Variants in VRK2 observed in about 807,000 individuals in gnomAD.
VRK2 encodes VRK serine/threonine kinase 2.
VRK2 carries 60 observed loss-of-function variants against 57.6 expected under a neutral mutation model. The observed-to-expected ratio is 1.04, with a 90% CI of 0.85 to 1.29. The LOEUF (loss-of-function observed/expected upper bound fraction) is 1.29. Among genes scored for constraint, VRK2 ranks in the 50% most tolerant of loss-of-function variants. The pLI is 0.00. For missense variants in VRK2, 705 were observed against 588.1 expected, an observed-to-expected ratio of 1.20 and a Z score of -2.06; for synonymous variants, 231 against 199.2, an observed-to-expected ratio of 1.16 and a Z score of -1.35.
chr2:58,067,697 A>G (rs1668793586), intron 2 of VRK2, among the ~76,000 whole-genome samples: 1 of 152,004 alleles, frequency 6.6e-6, no homozygotes, highest in Non-Finnish European at 1.5e-5. Flanking sequence ...TGTCTTGTGT[A>G]TTATATCTCC....
At chr2:58,118,288 G>C (rs1676844192) in intron 7 of VRK2, among the ~76,000 whole-genome samples, 1 of 152,252 alleles carries the variant, frequency 6.6e-6, no homozygotes, top group Non-Finnish European at 1.5e-5. Context: ...TGCGTGGTCT[G>C]ACACCTTTGA....
At chr2:57,943,830 G>A (rs935725118) in intron 1 of VRK2, among the ~76,000 whole-genome samples, 1 of 152,194 alleles carries the variant, frequency 6.6e-6, no homozygotes, top group African/African-American at 2.4e-5. Context: ...TGAAACAGAG[G>A]TCAGCAAAGT....
intron 7 of VRK2, among the ~76,000 whole-genome samples, chr2:58,111,444 G>A (rs1419591856): frequency 6.6e-6 from 1 of 152,094 alleles, no homozygotes; most frequent in Admixed American, 6.5e-5. Context: ...GTGCATAAAA[G>A]GACAATCATT....
chr2:57,979,618 C>A (rs1446415056), intron 1 of VRK2, among the ~76,000 whole-genome samples: 1 of 145,010 alleles, frequency 6.9e-6, no homozygotes, highest in East Asian at 1.9e-4. Flanking sequence ...AGCACTAGCA[C>A]CCTCTCTTCT....
At chr2:57,922,156 A>G (rs1670370680) in intron 1 of VRK2, among the ~76,000 whole-genome samples, 1 of 152,054 alleles carries the variant, frequency 6.6e-6, no homozygotes. Context: ...GGATCCTAAC[A>G]AAGTCCTGAC....
intron 2 of VRK2, among the ~76,000 whole-genome samples, chr2:58,072,661 T>C (rs1228920856): frequency 6.6e-6 from 1 of 152,058 alleles, no homozygotes; most frequent in African/African-American, 2.4e-5. Context: ...TTTGATTTGC[T>C]AATGTTTTGT....
chr2:58,130,745 G>A (rs1679074094), intron 8 of VRK2, among the ~76,000 whole-genome samples: 1 of 152,080 alleles, frequency 6.6e-6, no homozygotes, highest in Non-Finnish European at 1.5e-5. Flanking sequence ...ACTGCTCTTA[G>A]GAGATTATAT....
intron 2 of VRK2, among the ~76,000 whole-genome samples, chr2:58,050,039 A>G (rs1055829257): frequency 2.0e-5 from 3 of 152,206 alleles, no homozygotes; most frequent in African/African-American, 7.2e-5. Context: ...AAATTGCTTG[A>G]AAAAATACTA....
chr2:58,043,198 CTT>C (rs1674531937), upstream of VRK2, among the ~76,000 whole-genome samples: 2 of 152,226 alleles, frequency 1.3e-5, no homozygotes, highest in East Asian at 1.9e-4. Context: ...CATAAGAACA[CTT>C]AACACTTCAT....
chr2:58,093,019 T>G (rs1446066362), intron 7 of VRK2, among the ~76,000 whole-genome samples: 2 of 151,936 alleles, frequency 1.3e-5, no homozygotes, highest in Non-Finnish European at 2.9e-5. Flanking sequence ...CTGCATAGTA[T>G]TCCATGGTAT....
intron 1 of VRK2, among the ~76,000 whole-genome samples, chr2:58,011,756 A>G (rs1366865007): frequency 6.6e-6 from 1 of 152,252 alleles, no homozygotes; most frequent in Admixed American, 6.5e-5. Context: ...AAATGAAATT[A>G]TAATGGTTGA....
At chr2:58,159,069 C>CTATT (rs991170147) in intron 12 of VRK2, among the ~76,000 whole-genome samples, 26 of 152,176 alleles carry the variant, frequency 1.7e-4, no homozygotes, top group African/African-American at 5.8e-4. Context: ...ATATTCTATC[C>CTATT]TATTTATTTT....
chr2:58,149,357 A>G (rs1023360474), intron 12 of VRK2, among the ~76,000 whole-genome samples: 1 of 151,820 alleles, frequency 6.6e-6, no homozygotes, highest in Non-Finnish European at 1.5e-5. Flanking sequence ...TATATCAGTT[A>G]TATTTGATAT....
At chr2:58,068,206 A>T (rs1279242877) in intron 2 of VRK2, among the ~76,000 whole-genome samples, 1 of 152,202 alleles carries the variant, frequency 6.6e-6, no homozygotes, top group East Asian at 1.9e-4. Context: ...CTGGGATTAC[A>T]GGCTTTTGTA....
At chr2:58,077,196 A>T (rs1037656702) in intron 2 of VRK2, among the ~76,000 whole-genome samples, 1 of 151,938 alleles carries the variant, frequency 6.6e-6, no homozygotes, top group African/African-American at 2.4e-5. Context: ...TATTTATTGA[A>T]ATATTTTCTT....
At chr2:57,973,201 T>C (rs2104026006) in intron 1 of VRK2, among the ~76,000 whole-genome samples, 1 of 152,048 alleles carries the variant, frequency 6.6e-6, no homozygotes, top group Non-Finnish European at 1.5e-5. Flanking sequence ...TTTGGATTTT[T>C]GCCAACCTGA....
chr2:58,010,447 T>A (rs144003277), intron 1 of VRK2, among the ~76,000 whole-genome samples: 3 of 152,258 alleles, frequency 2.0e-5, no homozygotes, highest in African/African-American at 7.2e-5. Flanking sequence ...CAATTTAATA[T>A]CAAGGGTTAG....
intron 2 of VRK2, among the ~76,000 whole-genome samples, chr2:58,053,275 C>G (rs1206968116): frequency 1.3e-5 from 2 of 152,180 alleles, no homozygotes; most frequent in African/African-American, 4.8e-5. Context: ...TATAAAGATA[C>G]TATCTCAAAG....
intron 3 of VRK2, among the ~76,000 whole-genome samples, chr2:58,035,620 T>A (rs942817277): frequency 6.6e-6 from 1 of 152,034 alleles, no homozygotes; most frequent in Non-Finnish European, 1.5e-5. Flanking sequence ...CTCCAATATA[T>A]TGACATTTGA....
Sources: allele counts gnomAD v4.1 joint callset (sites outside exome capture counted in the v4.1 genomes callset), GRCh38; gene constraint gnomAD v4.1.1; transcripts MANE v1.5; gene names NCBI Gene and HGNC (gene_info 2026-07-23, HGNC 2026-07-21).